Variants in ARHGAP18 observed in about 807,000 individuals in gnomAD.
ARHGAP18 encodes the protein rho GTPase-activating protein 18.
Under a neutral mutation model 86.2 loss-of-function variants are expected in ARHGAP18, and 67 were observed. The observed-to-expected ratio is 0.78, with a 90% CI of 0.64 to 0.95. The LOEUF (loss-of-function observed/expected upper bound fraction) is 0.95, where lower values mean the gene tolerates loss of function less well. ARHGAP18 is among the 40% of genes least tolerant of loss of function. The pLI is 0.00. For missense variants in ARHGAP18, 691 were observed against 780.4 expected (o/e 0.89, Z 1.37); for synonymous variants, 283 against 280.4 (o/e 1.01, Z -0.09).
At chr6:129,585,322 T>C (rs1340796456) in intron 12 of ARHGAP18, among the ~76,000 whole-genome samples, 2 of 152,032 alleles carry the variant, frequency 1.3e-5, no homozygotes, top group East Asian at 1.9e-4. Context: ...AAAATAAACA[T>C]TGAGCAGAGA....
chr6:129,635,053 A>T (rs966067032), intron 3 of ARHGAP18, among the ~76,000 whole-genome samples: 3 of 152,162 alleles, frequency 2.0e-5, no homozygotes, highest in African/African-American at 7.2e-5. Flanking sequence ...ACCATGGCCG[A>T]CTCTGCTCAG....
chr6:129,591,135 C>T (rs1250739721), intron 12 of ARHGAP18, among the ~76,000 whole-genome samples: 2 of 152,310 alleles, frequency 1.3e-5, no homozygotes, highest in South Asian at 2.1e-4. Flanking sequence ...TAGAATCATG[C>T]TGTATCGAAT....
chr6:129,635,288 C>A (rs1043921690), intron 3 of ARHGAP18, among the ~76,000 whole-genome samples: 2 of 152,176 alleles, frequency 1.3e-5, no homozygotes, highest in Non-Finnish European at 2.9e-5. Context: ...TCATCCTCCA[C>A]CTGAAGTCTA....
chr6:129,636,877 T>A (rs1429551802), intron 3 of ARHGAP18, among the ~76,000 whole-genome samples: 1 of 152,138 alleles, frequency 6.6e-6, no homozygotes. Flanking sequence ...AAGAACACCA[T>A]CTAGATCCGC....
intron 1 of ARHGAP18, among the ~76,000 whole-genome samples, chr6:129,657,789 C>T (rs1295960188): frequency 6.6e-6 from 1 of 152,190 alleles, no homozygotes; most frequent in East Asian, 1.9e-4. Context: ...TTGCATAATT[C>T]ATTATGCCAT....
intron 6 of ARHGAP18, among the ~76,000 whole-genome samples, chr6:129,616,632 T>A (rs1470563960): frequency 6.6e-6 from 1 of 152,152 alleles, no homozygotes; most frequent in African/African-American, 2.4e-5. Flanking sequence ...CTAAATGTAA[T>A]CAAATTAAAA....
intron 12 of ARHGAP18, among the ~76,000 whole-genome samples, chr6:129,584,974 G>A (rs1584021342): frequency 6.7e-6 from 1 of 148,886 alleles, no homozygotes; most frequent in African/African-American, 2.5e-5. Context: ...TAATAAATAA[G>A]AAATAAGTCC....
At chr6:129,633,419 A>G (rs113116864) in intron 4 of ARHGAP18, among the ~76,000 whole-genome samples, 1 of 143,408 alleles carries the variant, frequency 7.0e-6, no homozygotes, top group Non-Finnish European at 1.5e-5. Flanking sequence ...TGGGAGACAG[A>G]GCAAGACTCC....
chr6:129,631,732 C>G (rs2114489869), intron 4 of ARHGAP18, among the ~76,000 whole-genome samples: 1 of 150,372 alleles, frequency 6.7e-6, no homozygotes, highest in Non-Finnish European at 1.5e-5. Context: ...TTTTTAACCA[C>G]CTGACTTTAA....
intron 1 of ARHGAP18, among the ~76,000 whole-genome samples, chr6:129,704,660 A>G (rs1774775017): frequency 6.6e-6 from 1 of 152,094 alleles, no homozygotes; most frequent in East Asian, 1.9e-4. Flanking sequence ...CACCCCGTTC[A>G]TTACTAAAAC....
intron 1 of ARHGAP18, among the ~76,000 whole-genome samples, chr6:129,672,628 T>C (rs780746962): frequency 1.1e-4 from 16 of 152,234 alleles, no homozygotes; most frequent in Middle Eastern, 6.3e-3. Flanking sequence ...TTTTTTCCAA[T>C]GGCTGTCCCC....
chr6:129,619,139 G>T (rs1214160156), intron 5 of ARHGAP18, among the ~76,000 whole-genome samples: 2 of 142,484 alleles, frequency 1.4e-5, no homozygotes, highest in Non-Finnish European at 3.0e-5. Context: ...AGTGAACCAG[G>T]AGAAAAAGAC....
intron 1 of ARHGAP18, among the ~76,000 whole-genome samples, chr6:129,706,505 T>G (rs1019634930): frequency 2.2e-4 from 33 of 152,172 alleles, no homozygotes; most frequent in African/African-American, 7.7e-4. Context: ...AGAGGGATAA[T>G]GGAATGGAGA....
At chr6:129,595,983 A>T (rs956087780) in intron 12 of ARHGAP18, among the ~76,000 whole-genome samples, 1 of 152,104 alleles carries the variant, frequency 6.6e-6, no homozygotes, top group Non-Finnish European at 1.5e-5. Context: ...CCACTTTCCG[A>T]TGCTGATACC....
chr6:129,684,320 A>G (rs780783522), intron 1 of ARHGAP18, among the ~76,000 whole-genome samples: 1 of 152,252 alleles, frequency 6.6e-6, no homozygotes, highest in Non-Finnish European at 1.5e-5. Flanking sequence ...GGGGAGAGCA[A>G]CAGATTAACT....
intron 5 of ARHGAP18, among the ~76,000 whole-genome samples, chr6:129,621,789 C>T (rs945817993): frequency 4.0e-5 from 6 of 151,842 alleles, no homozygotes; most frequent in African/African-American, 1.2e-4. Flanking sequence ...TATCGAAAAA[C>T]AGTTCATTTA....
intron 1 of ARHGAP18, among the ~76,000 whole-genome samples, chr6:129,706,178 AAG>A (rs1235336409): frequency 6.6e-6 from 1 of 152,236 alleles, no homozygotes; most frequent in African/African-American, 2.4e-5. Context: ...ATGGGAAGGT[AAG>A]AGAGAACAGT....
intron 1 of ARHGAP18, among the ~76,000 whole-genome samples, chr6:129,675,629 T>C (rs1774219009): frequency 6.6e-6 from 1 of 152,102 alleles, no homozygotes. Context: ...GCCACCTGCC[T>C]TTTCCCTGCT....
chr6:129,592,934 A>G, intron 12 of ARHGAP18, among the ~76,000 whole-genome samples: 1 of 152,220 alleles, frequency 6.6e-6, no homozygotes, highest in East Asian at 1.9e-4. Flanking sequence ...ATTGTTGATG[A>G]TAAAGGTTTT....
Sources: gnomAD v4.1 joint callset for allele counts (sites outside exome capture counted in the v4.1 genomes callset) on GRCh38, gnomAD v4.1.1 for gene constraint, MANE v1.5 for transcripts, NCBI Gene and HGNC (gene_info 2026-07-23, HGNC 2026-07-21) for gene names.